Variants in KIF1B observed in about 807,000 individuals in gnomAD.
The protein encoded by KIF1B is kinesin-like protein KIF1B.
A neutral mutation model predicts 241.9 loss-of-function variants in KIF1B; 76 were observed. The observed-to-expected ratio is 0.31, with a 90% CI of 0.26 to 0.38. The LOEUF is 0.38. Ranked by LOEUF, KIF1B falls within the 10% of genes least tolerant of loss-of-function variation. The pLI is 1.00. For missense variants in KIF1B, 1,622 were observed against 2,271.4 expected (o/e 0.71, Z 5.81); for synonymous variants, 750 against 796.7 (o/e 0.94, Z 0.99).
Position 10,359,034 on chromosome 1 carries a change from G to C in KIF1B, c.4056-1895G>C, listed in dbSNP as rs552424469. ...ACATTTGAGAGAGTATTAAGTACTT[G>C]AAGAAGACTTAGATCTAGAAGCAGC... is the stretch of plus-strand genomic sequence containing the variant. On this transcript the variant is annotated intron_variant, in intron 38 of 48. Coordinates refer to ENST00000676179, the MANE Select transcript of KIF1B (RefSeq NM_001365951.3). 2.0e-5 allele frequency among the ~76,000 whole-genome samples: 3 copies of C among 152,308 alleles called. No individual in the cohort carries two copies. The South Asian group carries it at 6.2e-4, about 32-fold the overall frequency.
At chr1:10,228,927 G>A (rs1214017247) in intron 1 of KIF1B, among the ~76,000 whole-genome samples, 4 of 152,112 alleles carry the variant, frequency 2.6e-5, no homozygotes, top group South Asian at 2.1e-4. Context: ...TTATGGTATC[G>A]GGGCCTGGGA....
Position 10,233,922 on chromosome 1 carries a change from G to A in KIF1B, c.106+1488G>A, listed in dbSNP as rs1245512853. 2.0e-5 allele frequency among the ~76,000 whole-genome samples: 3 copies of A among 151,980 alleles called. No homozygotes were observed. The East Asian group carries it at 5.8e-4, about 30-fold the overall frequency. On this transcript the variant is annotated intron_variant, in intron 2 of 48. Transcript: ENST00000676179. ...CTCGCAAAGTGCTGGGATTACAGGC[G>A]TGAACCACCGCGCCTGGCCAAGTTT...
chr1:10,236,159 C>G (rs1018443032), intron 2 of KIF1B, among the ~76,000 whole-genome samples: 1 of 151,872 alleles, frequency 6.6e-6, no homozygotes, highest in African/African-American at 2.4e-5. Context: ...GTAGTCCCAG[C>G]TACTCAGGAG....
chr1:10,282,436 G>A lies in KIF1B; in HGVS notation c.1337G>A (p.Cys446Tyr). The change falls in exon 15 of 49, where the codon TGC (cysteine) becomes TAC (tyrosine). Residue 446 changes from cysteine (C) to tyrosine (Y), a missense_variant. By Grantham distance (194) the Cys-to-Tyr change is radical. Around this residue, in one of 7 missense-constraint regions of KIF1B, gnomAD observed 201 missense variants for 301.2 expected, o/e 0.67. Transcript: ENST00000676179. Reference sequence around the variant, plus strand: ...TCCCTCACTTCATCCCCATCTTCCTGCTCACTCAGTAGTCAGGTGGGCTTG... The same window carrying A: ...TCCCTCACTTCATCCCCATCTTCCTACTCACTCAGTAGTCAGGTGGGCTTG... ...MGSLTSSPSS[C>Y]SLSSQVGLTS... is the part of the protein sequence containing the mutation. The A allele has an allele frequency of 6.2e-7, 1 of 1,614,138 alleles. No homozygotes were observed. The highest frequency in any genetic ancestry group is 8.5e-7 in the Non-Finnish European group (1 of 1,180,000).
chr1:10,334,480 A>T lies in KIF1B; in HGVS notation c.2925-40A>T, dbSNP rs771408673. On this transcript the variant is annotated intron_variant, in intron 27 of 48. Transcript: ENST00000676179. ...AATCTGAAAGCCAGTTTATCTCTCC[A>T]TGGATGTTCTGACATTTGTCTCCTG... 2.1e-6 allele frequency: 3 copies of T among 1,430,078 alleles called. No individual in the cohort carries two copies. The African/African-American group carries it at 4.2e-5, about 20-fold the overall frequency. 88.6% of individuals were successfully genotyped at this position (1,430,078 alleles called of 1,614,324 possible).
intron 36 of KIF1B, among the ~76,000 whole-genome samples, 164 bp from the exon 37 acceptor site, chr1:10,348,485 A>G (rs142225756): frequency 1.1e-4 from 16 of 152,370 alleles, no homozygotes; most frequent in African/African-American, 3.6e-4. Flanking sequence ...AGTCCCTGAC[A>G]CATCTCCCTT....
chr1:10,317,700 G>A (rs1420987150), intron 22 of KIF1B, among the ~76,000 whole-genome samples: 6 of 150,978 alleles, frequency 4.0e-5, no homozygotes, highest in Non-Finnish European at 7.4e-5. Context: ...GCACGGTGGC[G>A]TGCACCTGTA....
At chr1:10,219,446 G>A (rs1646811301) in intron 1 of KIF1B, among the ~76,000 whole-genome samples, 2 of 150,634 alleles carry the variant, frequency 1.3e-5, no homozygotes, top group African/African-American at 4.9e-5. Flanking sequence ...GGCAACAAGA[G>A]CAAAACTCCA....
chr1:10,380,594 T>C lies in KIF1B; in HGVS notation c.*4007T>C. 1 of 184,556 alleles carries C rather than the reference T, an allele frequency of 5.4e-6. No homozygotes were observed. The highest frequency in any genetic ancestry group is 8.8e-5 in the East Asian group (1 of 11,324). 11.4% of individuals were successfully genotyped at this position (184,556 alleles called of 1,614,324 possible). ...GGTGGCGTGTGCCTGTAGTCCCAGC[T>C]ACTTGGGAGGCTGAGGCAGGAGAAT... On this transcript the variant is annotated 3_prime_UTR_variant, in exon 49 of 49. Coordinates refer to ENST00000676179, the MANE Select transcript of KIF1B (RefSeq NM_001365951.3).
chr1:10,260,878 AAAAG>A lies in KIF1B; in HGVS notation c.364-1023_364-1020del, dbSNP rs1430687535. On this transcript the variant is annotated intron_variant, in intron 4 of 48. Coordinates refer to ENST00000676179, the MANE Select transcript of KIF1B (RefSeq NM_001365951.3). ...GTGAAACTCGGTCTCAAAAAAAAAAAAAAGAAACCACACACACACTTTGTACAGC... is the reference window on the plus strand; with the variant it reads ...GTGAAACTCGGTCTCAAAAAAAAAAAAAACCACACACACACTTTGTACAGC... 2.0e-5 allele frequency among the ~76,000 whole-genome samples: 3 copies of A among 151,912 alleles called. No individual in the cohort carries two copies. In the East Asian group the frequency reaches 5.8e-4, roughly 29 times the overall value.
chr1:10,313,610 G>A (rs558161549), intron 22 of KIF1B, among the ~76,000 whole-genome samples: 65 of 145,094 alleles, frequency 4.5e-4, no homozygotes, highest in Non-Finnish European at 8.5e-4. Context: ...GAGTGCAGTG[G>A]CGCAATCTCG....
At chr1:10,251,103 T>C (rs1647416658) in intron 2 of KIF1B, among the ~76,000 whole-genome samples, 1 of 151,052 alleles carries the variant, frequency 6.6e-6, no homozygotes, top group South Asian at 2.1e-4. Context: ...GAGACAGCGG[T>C]TGCAGTGAGC....
At chr1:10,305,369 CTGTT>C in intron 22 of KIF1B, 1 of 1,051,752 alleles carries the variant, frequency 9.5e-7, no homozygotes, top group Non-Finnish European at 1.1e-6. Context: ...GTCTGGGATT[CTGTT>C]TGTGGTTTGC....
intron 2 of KIF1B, among the ~76,000 whole-genome samples, chr1:10,236,054 C>T (rs55815752): frequency 0.059 from 9,008 of 151,862 alleles, 477 homozygotes; most frequent in African/African-American, 0.14. Context: ...GGATGGATCA[C>T]GAGGTCAGAA....
intron 4 of KIF1B, 81 bp downstream of exon 4, chr1:10,258,753 G>A: frequency 7.2e-7 from 1 of 1,396,520 alleles, no homozygotes; most frequent in Non-Finnish European, 1.0e-6. Context: ...TTTTTATTTG[G>A]CGAACATTTA....
At chr1:10,233,232 C>T (rs1647004873) in intron 2 of KIF1B, among the ~76,000 whole-genome samples, 1 of 152,220 alleles carries the variant, frequency 6.6e-6, no homozygotes. Context: ...GCCCACATTT[C>T]AGGTAGTTCA....
In KIF1B at chr1:10,337,190, A is replaced by C; in HGVS notation, c.3246A>C (p.Arg1082=). 1 of 1,614,188 alleles carries C rather than the reference A, an allele frequency of 6.2e-7. No individual in the cohort carries two copies. The highest frequency in any genetic ancestry group is 1.7e-5 in the Admixed American group (1 of 60,020). The change falls in exon 30 of 49, where the codon CGA becomes CGC. Residue 1082 remains arginine (R), a synonymous_variant. Transcript: ENST00000676179. This position sits in a 1 kb window ranked among gnomAD's most constrained non-coding sequence, Gnocchi z 4.0. Reference sequence around the variant, plus strand: ...TCACTCCTCCAGAAGAAATCAGTCGAATTAATGACTTGGGTATGTAGACAT... The same window carrying C: ...TCACTCCTCCAGAAGAAATCAGTCGCATTAATGACTTGGGTATGTAGACAT... ...EVITPPEEIS[R]INDLDLKSST... is the part of the protein sequence containing the mutation.
At chr1:10,309,398 TA>T (rs1380147029) in intron 22 of KIF1B, among the ~76,000 whole-genome samples, 1 of 152,200 alleles carries the variant, frequency 6.6e-6, no homozygotes, top group Non-Finnish European at 1.5e-5. Context: ...GTGATATGTG[TA>T]GTGACACTGT....
intron 14 of KIF1B, 72 bp from the exon 15 acceptor site, chr1:10,282,250 T>C: frequency 8.3e-7 from 1 of 1,201,710 alleles, no homozygotes; most frequent in Non-Finnish European, 1.2e-6. Flanking sequence ...TATTCCTTCC[T>C]GTCTTTTTTT....
Sources: gnomAD v4.1 joint callset for allele counts (sites outside exome capture counted in the v4.1 genomes callset) on GRCh38, gnomAD v4.1.1 for gene constraint, gnomAD v4.1.1 regional missense constraint, Gnocchi (gnomAD v3.1) non-coding constraint, MANE v1.5 for transcripts, NCBI Gene and HGNC (gene_info 2026-07-23, HGNC 2026-07-21) for gene names.